Variants in TRIQK observed in about 807,000 individuals in gnomAD.
TRIQK encodes triple QxxK/R motif-containing protein.
A neutral mutation model predicts 10.8 loss-of-function variants in TRIQK; 10 were observed. The ratio of observed to expected loss-of-function variants is 0.92; its 90% CI spans 0.57 to 1.57. The LOEUF (loss-of-function observed/expected upper bound fraction) is 1.57. Ranked by LOEUF, TRIQK falls within the 40% of genes most tolerant of loss-of-function variation. TRIQK has a pLI of 0.00. For missense variants in TRIQK, 107 were observed against 97.7 expected, an observed-to-expected ratio of 1.09 and a Z score of -0.40; for synonymous variants, 33 against 33.7, an observed-to-expected ratio of 0.98 and a Z score of 0.07.
At chr8:93,015,650 A>G (rs969466132) in intron 1 of TRIQK, among the ~76,000 whole-genome samples, 10 of 152,100 alleles carry the variant, frequency 6.6e-5, no homozygotes, top group South Asian at 2.1e-4. Context: ...CATTCTGTGC[A>G]AAATGTACAT....
intron 2 of TRIQK, among the ~76,000 whole-genome samples, chr8:92,938,242 C>T (rs1299453372): frequency 6.6e-6 from 1 of 151,570 alleles, no homozygotes; most frequent in East Asian, 1.9e-4. Context: ...TTTAGGTTTA[C>T]CTTTTTATAT....
chr8:92,910,346 C>T lies in TRIQK; in HGVS notation c.61+6583G>A, dbSNP rs1468432734. On this transcript the variant is annotated intron_variant, in intron 3 of 4. Transcript: ENST00000521988. ...AGAATCTCCTCTCCCTTTCCCAAAA[C>T]AAGGAAAGAAAAGAAAAGAAAAAAA... Among the ~76,000 whole-genome samples the T allele has an allele frequency of 2.1e-5, 3 of 145,210 alleles. No homozygotes were observed. In the East Asian group the frequency reaches 6.0e-4, roughly 29 times the overall value.
intron 3 of TRIQK, among the ~76,000 whole-genome samples, chr8:92,911,463 C>T (rs895102845): frequency 6.6e-6 from 1 of 151,450 alleles, no homozygotes. Context: ...ATATTAAACT[C>T]ACCAATCAAA....
intron 2 of TRIQK, among the ~76,000 whole-genome samples, chr8:92,925,339 A>T (rs1190662300): frequency 6.6e-6 from 1 of 152,158 alleles, no homozygotes; most frequent in African/African-American, 2.4e-5. Flanking sequence ...AGAGGCAAAT[A>T]TTTATTGAAG....
At chr8:93,010,327 G>C (rs1446903749) in intron 1 of TRIQK, among the ~76,000 whole-genome samples, 1 of 151,840 alleles carries the variant, frequency 6.6e-6, no homozygotes, top group Non-Finnish European at 1.5e-5. Context: ...ACCATGACTT[G>C]ATCATTACTC....
At chr8:92,905,788 A>G (rs1809221889) in intron 3 of TRIQK, among the ~76,000 whole-genome samples, 1 of 152,124 alleles carries the variant, frequency 6.6e-6, no homozygotes, top group South Asian at 2.1e-4. Flanking sequence ...GCAGGTATGA[A>G]TAAAAGAAAA....
chr8:92,982,151 A>T (rs1291823737), intron 1 of TRIQK, among the ~76,000 whole-genome samples: 1 of 151,886 alleles, frequency 6.6e-6, no homozygotes, highest in Non-Finnish European at 1.5e-5. Context: ...TTGAAAAAGA[A>T]TTATTAATTT....
chr8:92,888,336 C>A (rs956237463), intron 4 of TRIQK, among the ~76,000 whole-genome samples: 1 of 151,550 alleles, frequency 6.6e-6, no homozygotes, highest in Non-Finnish European at 1.5e-5. Context: ...TGTATCATTT[C>A]ACTATATATT....
At chr8:93,003,355 T>C (rs377437502) in intron 1 of TRIQK, among the ~76,000 whole-genome samples, 1 of 131,774 alleles carries the variant, frequency 7.6e-6, no homozygotes, top group South Asian at 2.3e-4. Context: ...AAGGGGGAAG[T>C]GTTACACACA....
At chr8:92,922,827 G>A (rs1810256473) in intron 2 of TRIQK, among the ~76,000 whole-genome samples, 1 of 151,602 alleles carries the variant, frequency 6.6e-6, no homozygotes. Flanking sequence ...ATACATTAGA[G>A]AAAAACTGGT....
At chr8:92,947,419 C>T (rs1409881437) in intron 2 of TRIQK, among the ~76,000 whole-genome samples, 1 of 151,442 alleles carries the variant, frequency 6.6e-6, no homozygotes, top group African/African-American at 2.4e-5. Flanking sequence ...CCTGTCTCTA[C>T]TAAAAATACA....
rs115602993 is a variant in TRIQK, at chr8:92,925,724, T to C, written c.-21-8714A>G. 6.9e-3 allele frequency among the ~76,000 whole-genome samples: 1,052 copies of C among 152,210 alleles called. 11 individuals are homozygous for C. Among genetic ancestry groups the C allele is most frequent in the African/African-American group, 0.024 (997 of 41,546 alleles). ...ACTAGAATGGCTCAAATAAAAAATA[T>C]TTCATATACAAAATATTGAAGAGAA... On this transcript the variant is annotated intron_variant, in intron 2 of 4. Coordinates refer to ENST00000521988, the MANE Select transcript of TRIQK (RefSeq NM_001171797.2).
chr8:92,967,651 G>A (rs926676292), upstream of TRIQK, among the ~76,000 whole-genome samples: 1 of 151,420 alleles, frequency 6.6e-6, no homozygotes, highest in Admixed American at 6.6e-5. Context: ...GTGAAACCCC[G>A]TCTCTACTAA....
At chr8:92,897,525 G>A (rs1432615178) in intron 3 of TRIQK, among the ~76,000 whole-genome samples, 1 of 152,124 alleles carries the variant, frequency 6.6e-6, no homozygotes, top group East Asian at 1.9e-4. Flanking sequence ...AATGAGCTTG[G>A]TCCCTTTCCT....
chr8:92,943,703 C>CTG (rs1811384383), intron 2 of TRIQK, among the ~76,000 whole-genome samples: 1 of 152,068 alleles, frequency 6.6e-6, no homozygotes, highest in South Asian at 2.1e-4. Context: ...AATATAAGAC[C>CTG]TGAAACAATA....
rs576706769 is a variant in TRIQK, at chr8:92,915,795, C to T, written c.61+1134G>A. Reference sequence around the variant, plus strand: ...ATTACTGGCGTTAAGTCACCGCGCCCGGCCTGTACTATACAAATTCTTAAT... The same window carrying T: ...ATTACTGGCGTTAAGTCACCGCGCCTGGCCTGTACTATACAAATTCTTAAT... On this transcript the variant is annotated intron_variant, in intron 3 of 4. Coordinates refer to ENST00000521988, the MANE Select transcript of TRIQK (RefSeq NM_001171797.2). Among the ~76,000 whole-genome samples the T allele has an allele frequency of 1.1e-3, 161 of 151,974 alleles. 1 individual carries two copies. The highest frequency in any genetic ancestry group is 3.3e-3 in the African/African-American group (135 of 41,466).
intron 1 of TRIQK, among the ~76,000 whole-genome samples, chr8:92,984,829 C>T (rs1813017818): frequency 6.6e-6 from 1 of 151,998 alleles, no homozygotes; most frequent in Non-Finnish European, 1.5e-5. Flanking sequence ...CCTCCACTGT[C>T]TTCATTATTT....
intron 2 of TRIQK, among the ~76,000 whole-genome samples, chr8:92,937,104 C>T (rs1285974202): frequency 6.6e-6 from 1 of 151,756 alleles, no homozygotes. Flanking sequence ...CTAGTAAGTA[C>T]ACTCACTGAA....
At chr8:92,896,640 C>T (rs941835438) in intron 3 of TRIQK, among the ~76,000 whole-genome samples, 4 of 152,112 alleles carry the variant, frequency 2.6e-5, no homozygotes, top group African/African-American at 9.7e-5. Context: ...CCAATGTGAC[C>T]AGGATGTGGG....
Sources: allele counts gnomAD v4.1 joint callset (sites outside exome capture counted in the v4.1 genomes callset), GRCh38; gene constraint gnomAD v4.1.1; transcripts MANE v1.5; gene names NCBI Gene and HGNC (gene_info 2026-07-23, HGNC 2026-07-21).